The following MACROD2 variants were observed in gnomAD, a reference collection of about 807,000 sequenced individuals.
MACROD2 encodes ADP-ribose glycohydrolase MACROD2.
In MACROD2, 36 loss-of-function variants were observed where a neutral mutation model predicts 70.4. The ratio of observed to expected loss-of-function variants is 0.51; its 90% confidence interval spans 0.39 to 0.68. The LOEUF is 0.68. MACROD2 is among the 30% of genes least tolerant of loss of function. The pLI, the probability that MACROD2 is intolerant of heterozygous loss-of-function variation, is 0.00. For missense variants in MACROD2, 496 were observed against 538.4 expected (o/e 0.92, Z 0.78); for synonymous variants, 172 against 178.8 (o/e 0.96, Z 0.30).
At chr20:15,239,184 A>ATTTTTTT (rs113667803) in intron 6 of MACROD2, among the ~76,000 whole-genome samples, 14 of 138,020 alleles carry the variant, frequency 1.0e-4, no homozygotes, top group African/African-American at 1.9e-4. Flanking sequence ...AAATGTTCAG[A>ATTTTTTT]TTTTTTTTTT....
At chr20:15,798,473 A>G (rs2063695271) in intron 8 of MACROD2, among the ~76,000 whole-genome samples, 1 of 152,136 alleles carries the variant, frequency 6.6e-6, no homozygotes, top group South Asian at 2.1e-4. Context: ...AAAACCAGGG[A>G]GAGGTTTATG....
In MACROD2 at chr20:14,027,478, T is replaced by G. The variant is rs1197524060; in HGVS notation, c.163+25074T>G. Among the ~76,000 whole-genome samples the G allele has an allele frequency of 2.0e-5, 3 of 152,292 alleles. No homozygotes were observed. The East Asian group carries it at 5.8e-4, about 29-fold the overall frequency. On this transcript the variant is annotated intron_variant, in intron 2 of 17. Transcript: ENST00000684519. The stretch of plus-strand genomic sequence containing the variant: ...TACTTCTGTCAATTTGTCAAACTCA[T>G]TCTCTGTCCCATTTTGTTCCCTTGC...
At chr20:15,397,805 G>A (rs756046801) in intron 6 of MACROD2, among the ~76,000 whole-genome samples, 1 of 152,118 alleles carries the variant, frequency 6.6e-6, no homozygotes, top group Non-Finnish European at 1.5e-5. Context: ...TCTCATGAGG[G>A]TGGGTTTATA....
intron 6 of MACROD2, among the ~76,000 whole-genome samples, chr20:15,393,552 C>T (rs2045821261): frequency 6.6e-6 from 1 of 152,144 alleles, no homozygotes; most frequent in Non-Finnish European, 1.5e-5. Flanking sequence ...CTCCCTTCAC[C>T]CCACACCAAC....
chr20:14,808,106 A>G (rs1196059762), intron 5 of MACROD2, among the ~76,000 whole-genome samples: 2 of 152,068 alleles, frequency 1.3e-5, no homozygotes, highest in South Asian at 2.1e-4. Context: ...TTGCAAAGAT[A>G]CTCCTCAAGA....
chr20:14,401,312 A>G (rs1174836163), intron 3 of MACROD2, among the ~76,000 whole-genome samples: 4 of 152,134 alleles, frequency 2.6e-5, no homozygotes, highest in African/African-American at 7.2e-5. Context: ...TTGGGTATAT[A>G]CCCAATAATG....
At chr20:14,880,021 G>A (rs979304955) in intron 5 of MACROD2, among the ~76,000 whole-genome samples, 1 of 152,094 alleles carries the variant, frequency 6.6e-6, no homozygotes, top group Non-Finnish European at 1.5e-5. Context: ...AGTATGCATC[G>A]TGCTTTCGTT....
intron 2 of MACROD2, among the ~76,000 whole-genome samples, chr20:14,082,175 T>TCC (rs2054004041): frequency 1.3e-5 from 1 of 74,868 alleles, no homozygotes; most frequent in Non-Finnish European, 2.5e-5. Flanking sequence ...TTCTTTTTTT[T>TCC]TCTTTTTTTT....
intron 7 of MACROD2, among the ~76,000 whole-genome samples, chr20:15,433,459 C>CAAAAAAAAA (rs60298297): frequency 2.8e-4 from 25 of 88,246 alleles, no homozygotes; most frequent in Non-Finnish European, 4.0e-4. Flanking sequence ...ACAAGAGCTG[C>CAAAAAAAAA]AAAAAAAAAA....
chr20:15,338,166 AACACAGAC>A (rs1333515269), intron 6 of MACROD2, among the ~76,000 whole-genome samples: 1 of 151,520 alleles, frequency 6.6e-6, no homozygotes, highest in East Asian at 1.9e-4. Flanking sequence ...CTCCTCGCTA[AACACAGAC>A]ACAAACCCCA....
intron 6 of MACROD2, among the ~76,000 whole-genome samples, chr20:15,322,858 A>G (rs1044570699): frequency 7.0e-6 from 1 of 143,862 alleles, no homozygotes; most frequent in Non-Finnish European, 1.6e-5. Context: ...CTTGGAATCC[A>G]TGAATCCATG....
At chr20:14,756,100 C>A (rs2071937002) in intron 5 of MACROD2, among the ~76,000 whole-genome samples, 1 of 152,062 alleles carries the variant, frequency 6.6e-6, no homozygotes, top group Non-Finnish European at 1.5e-5. Flanking sequence ...CTTACTGAGA[C>A]TTTTAGGCCT....
At chr20:14,426,307 AT>A (rs902532551) in intron 3 of MACROD2, among the ~76,000 whole-genome samples, 2 of 150,788 alleles carry the variant, frequency 1.3e-5, no homozygotes, top group Non-Finnish European at 3.0e-5. Context: ...TCCAAGACTT[AT>A]TTTTTTTGTT....
chr20:14,929,322 G>A (rs192863484), intron 5 of MACROD2: 1 of 152,226 alleles, frequency 6.6e-6, no homozygotes, highest in African/African-American at 2.4e-5. Context: ...ATTCCCTCAA[G>A]TTCAATAATT....
At chr20:14,855,317 A>G (rs942814832) in intron 5 of MACROD2, among the ~76,000 whole-genome samples, 7 of 152,144 alleles carry the variant, frequency 4.6e-5, no homozygotes, top group Non-Finnish European at 1.0e-4. Context: ...GCTTGTTACC[A>G]TAGATTTCTC....
At chr20:14,501,511 G>A (rs888356735) in intron 4 of MACROD2, among the ~76,000 whole-genome samples, 9 of 151,202 alleles carry the variant, frequency 6.0e-5, no homozygotes, top group Non-Finnish European at 1.3e-4. Context: ...AATTGTATGT[G>A]TTGGTGTTCT....
intron 4 of MACROD2, chr20:14,622,951 A>G (rs1983916284): frequency 6.6e-6 from 1 of 152,206 alleles, no homozygotes; most frequent in African/African-American, 2.4e-5. Context: ...TTGTCTGCTG[A>G]TGACTCACGG....
At chr20:15,005,629 C>A (rs180913348) in intron 5 of MACROD2, among the ~76,000 whole-genome samples, 1 of 152,284 alleles carries the variant, frequency 6.6e-6, no homozygotes, top group African/African-American at 2.4e-5. Flanking sequence ...GGTAGTTCTT[C>A]TATCTTTAGG....
intron 3 of MACROD2, among the ~76,000 whole-genome samples, chr20:14,222,673 T>TA (rs944893077): frequency 1.3e-5 from 2 of 152,020 alleles, no homozygotes; most frequent in African/African-American, 4.8e-5. Context: ...CATTTTCTTT[T>TA]AAAAAAAGTA....
Sources: allele counts gnomAD v4.1 joint callset (sites outside exome capture counted in the v4.1 genomes callset), GRCh38; gene constraint gnomAD v4.1.1; transcripts MANE v1.5; gene names NCBI Gene and HGNC (gene_info 2026-07-23, HGNC 2026-07-21).